Variants in TP53BP2 observed in about 807,000 individuals in gnomAD.
The protein encoded by TP53BP2 is tumor protein p53 binding protein 2, also known as apoptosis-stimulating of p53 protein 2.
In TP53BP2, 62 loss-of-function variants were observed where a neutral mutation model predicts 126.2. The ratio of observed to expected loss-of-function variants is 0.49; its 90% CI spans 0.40 to 0.61. The LOEUF is 0.61. Ranked by LOEUF, TP53BP2 falls within the 20% of genes least tolerant of loss-of-function variation. The pLI is 0.00. For synonymous variants in TP53BP2, 485 were observed against 502.9 expected (o/e 0.96, Z 0.48); for missense variants, 1,215 against 1,402.8 (o/e 0.87, Z 2.14).
intron 1 of TP53BP2, among the ~76,000 whole-genome samples, chr1:223,842,877 A>G (rs1368122356): frequency 1.3e-5 from 2 of 152,230 alleles, no homozygotes; most frequent in East Asian, 3.8e-4. Flanking sequence ...ATCAGGAAAA[A>G]GATGTCAAGT....
rs566532860 is a variant in TP53BP2 at position 223,834,403 on chromosome 1, C to A, written c.27+11251G>T. The stretch of plus-strand genomic sequence containing the variant: ...TTTTGAGCAGGGAAGTAACATGAAA[C>A]TAGGTTTCTGAGTAATTTGCTGCAA... On this transcript the variant is annotated intron_variant, in intron 1 of 17. Transcript: ENST00000343537. 1.4e-4 allele frequency among the ~76,000 whole-genome samples: 21 copies of A among 152,238 alleles called. No individual in the cohort carries two copies. The South Asian group carries it at 4.3e-3, about 32-fold the overall frequency.
At chr1:223,795,263 T>A (rs184363351) in intron 13 of TP53BP2, among the ~76,000 whole-genome samples, 1 of 152,232 alleles carries the variant, frequency 6.6e-6, no homozygotes, top group Non-Finnish European at 1.5e-5. Flanking sequence ...TCAGACTTCG[T>A]TGAAGGGGAG....
rs1422555582 is a variant in TP53BP2 at position 223,796,468 on chromosome 1, G to C, written c.2071C>G (p.Gln691Glu). ...EPETEPVSSVQENHENERIPR... is the reference protein window; with the variant it reads ...EPETEPVSSVEENHENERIPR... ...ATTCTTTCGTTTTCATGGTTCTCCT[G>C]AACTGAAGAAACAGGCTCTGTTTCA... The change falls in exon 13 of 18, where the codon CAG becomes GAG. Residue 691 changes from glutamine to glutamate, a missense_variant. Coordinates refer to ENST00000343537, the MANE Select transcript of TP53BP2 (RefSeq NM_001031685.3). The surrounding 1 kb of genome is among the most constrained non-coding windows in gnomAD (Gnocchi z 4.2). 1 of 1,614,026 alleles carries C rather than the reference G, an allele frequency of 6.2e-7. No homozygotes were observed. The highest frequency in any genetic ancestry group is 2.2e-5 in the East Asian group (1 of 44,898).
intron 2 of TP53BP2, among the ~76,000 whole-genome samples, chr1:223,815,687 A>C (rs993545404): frequency 1.9e-4 from 29 of 152,236 alleles, no homozygotes; most frequent in African/African-American, 6.8e-4. Context: ...AAAGGCTCTC[A>C]AAGCTCCCTA....
chr1:223,823,172 G>C (rs1663373240), intron 1 of TP53BP2, among the ~76,000 whole-genome samples: 1 of 152,186 alleles, frequency 6.6e-6, no homozygotes, highest in African/African-American at 2.4e-5. Flanking sequence ...ACAGCAATTG[G>C]AGGGCCTACC....
intron 17 of TP53BP2, among the ~76,000 whole-genome samples, 174 bp from the exon 18 acceptor site, chr1:223,781,068 T>C (rs1025066554): frequency 1.3e-5 from 2 of 152,214 alleles, no homozygotes; most frequent in Non-Finnish European, 2.9e-5. Context: ...AACGTGGTCA[T>C]AGCTAGACTC....
intron 16 of TP53BP2, among the ~76,000 whole-genome samples, chr1:223,786,260 C>G (rs918102210): frequency 1.3e-5 from 2 of 152,080 alleles, no homozygotes; most frequent in African/African-American, 4.8e-5. Context: ...GAATGCTAAA[C>G]GTAAAAGCGG....
chr1:223,834,193 G>C (rs1348468581), intron 1 of TP53BP2, among the ~76,000 whole-genome samples: 1 of 152,182 alleles, frequency 6.6e-6, no homozygotes, highest in Non-Finnish European at 1.5e-5. Flanking sequence ...GGACTTTATT[G>C]CAAGGGAAAA....
At chr1:223,803,004 T>C (rs1662583041) in intron 7 of TP53BP2, 109 bp from the exon 8 acceptor site, 2 of 1,145,464 alleles carry the variant, frequency 1.7e-6, no homozygotes, top group East Asian at 2.5e-5. Context: ...ATGAGGTCCC[T>C]CCACCCCTCC....
At chr1:223,830,829 T>A (rs1449761622) in intron 1 of TP53BP2, among the ~76,000 whole-genome samples, 1 of 152,224 alleles carries the variant, frequency 6.6e-6, no homozygotes, top group Admixed American at 6.5e-5. Flanking sequence ...CCGGGCACAG[T>A]GGCTCACGCC....
chr1:223,799,153 T>C (rs1343429954), intron 11 of TP53BP2, among the ~76,000 whole-genome samples: 2 of 152,134 alleles, frequency 1.3e-5, no homozygotes, highest in Non-Finnish European at 2.9e-5. Flanking sequence ...TATTTTTATA[T>C]AGACAGGGTC....
chr1:223,780,920 C>T (rs1463792191), intron 17 of TP53BP2, 26 bp from the exon 18 acceptor site: 1 of 1,606,172 alleles, frequency 6.2e-7, no homozygotes, highest in South Asian at 1.1e-5. Context: ...AAAAATTTTA[C>T]ATACTATAAT....
At chr1:223,781,515 A>G (rs1661777254) in intron 17 of TP53BP2, among the ~76,000 whole-genome samples, 1 of 152,274 alleles carries the variant, frequency 6.6e-6, no homozygotes. Context: ...ACCAAGTCAA[A>G]CTGATAAATT....
intron 10 of TP53BP2, 22 bp from the exon 11 acceptor site, chr1:223,800,069 T>C (rs1229545005): frequency 1.3e-6 from 2 of 1,590,344 alleles, no homozygotes. Context: ...AAAATCACAA[T>C]GACATTCAAA....
At chr1:223,786,506 G>C (rs924409109) in intron 16 of TP53BP2, among the ~76,000 whole-genome samples, 4 of 151,790 alleles carry the variant, frequency 2.6e-5, no homozygotes, top group African/African-American at 9.7e-5. Context: ...CTAAATATAG[G>C]TCAGATGGTC....
At chr1:223,815,772 A>G (rs1663064113) in intron 2 of TP53BP2, among the ~76,000 whole-genome samples, 1 of 150,704 alleles carries the variant, frequency 6.6e-6, no homozygotes, top group Non-Finnish European at 1.5e-5. Flanking sequence ...TTTTAAGGCC[A>G]TATTTTTACT....
At chr1:223,820,552 A>T (rs1476637866) in intron 2 of TP53BP2, among the ~76,000 whole-genome samples, 1 of 152,214 alleles carries the variant, frequency 6.6e-6, no homozygotes, top group Non-Finnish European at 1.5e-5. Flanking sequence ...GTGGGGGCTC[A>T]GCTGAAGTTA....
chr1:223,797,691 G>A (rs755905662), intron 12 of TP53BP2, among the ~76,000 whole-genome samples: 4 of 152,024 alleles, frequency 2.6e-5, no homozygotes, highest in South Asian at 4.1e-4. Context: ...GATTACAGGC[G>A]TGAGCCACTG....
chr1:223,825,159 A>G (rs1663450358), intron 1 of TP53BP2, among the ~76,000 whole-genome samples: 1 of 152,146 alleles, frequency 6.6e-6, no homozygotes, highest in Admixed American at 6.6e-5. Flanking sequence ...CCTACTAGAA[A>G]GTAAGCTCCA....
Sources: allele counts gnomAD v4.1 joint callset (sites outside exome capture counted in the v4.1 genomes callset), GRCh38; gene constraint gnomAD v4.1.1; non-coding constraint Gnocchi (gnomAD v3.1); transcripts MANE v1.5; gene names NCBI Gene and HGNC (gene_info 2026-07-23, HGNC 2026-07-21).